The following GALNT10 variants were observed in gnomAD, a reference collection of about 807,000 sequenced individuals.
GALNT10 encodes the protein GalNAc transferase 10.
A neutral mutation model predicts 75.0 loss-of-function variants in GALNT10; 41 were observed. The ratio of observed to expected loss-of-function variants is 0.55; its 90% CI spans 0.43 to 0.71. The LOEUF is 0.71. Ranked by LOEUF, GALNT10 falls within the 30% of genes least tolerant of loss-of-function variation. The probability of loss-of-function intolerance (pLI) is 0.00; values close to 1 mark genes in which losing one functional copy is unlikely to be tolerated. For missense variants in GALNT10, 727 were observed against 818.5 expected (o/e 0.89, Z 1.36); for synonymous variants, 302 against 313.0 (o/e 0.96, Z 0.37).
intron 1 of GALNT10, among the ~76,000 whole-genome samples, chr5:154,271,856 T>C (rs1487920105): frequency 6.6e-6 from 1 of 152,190 alleles, no homozygotes; most frequent in Non-Finnish European, 1.5e-5. Context: ...AGGAAAGGCT[T>C]TCCTCCCTAC....
At chr5:154,226,097 G>A (rs202007375) in intron 1 of GALNT10, among the ~76,000 whole-genome samples, 2 of 151,078 alleles carry the variant, frequency 1.3e-5, no homozygotes, top group African/African-American at 2.4e-5. Context: ...ACAGACCTGC[G>A]TATTGTGCAC....
At chr5:154,346,139 C>CGT (rs36124544) in intron 4 of GALNT10, among the ~76,000 whole-genome samples, 19,483 of 147,334 alleles carry the variant, frequency 0.13, 1,516 homozygotes, top group African/African-American at 0.22. Flanking sequence ...TTCGTGTGTG[C>CGT]GTGTGTGTGT....
chr5:154,387,310 T>G (rs1755821319), intron 7 of GALNT10: 1 of 152,210 alleles, frequency 6.6e-6, no homozygotes, highest in Non-Finnish European at 1.5e-5. Flanking sequence ...AGTGAAAGCT[T>G]GGACCTTCTG....
At chr5:154,311,373 C>A (rs1581968056) in intron 3 of GALNT10, among the ~76,000 whole-genome samples, 1 of 152,160 alleles carries the variant, frequency 6.6e-6, no homozygotes, top group African/African-American at 2.4e-5. Flanking sequence ...CAAACTGTTA[C>A]AACTATTTTG....
chr5:154,254,192 T>C (rs1250253920), intron 1 of GALNT10, among the ~76,000 whole-genome samples: 1 of 152,198 alleles, frequency 6.6e-6, no homozygotes, highest in Non-Finnish European at 1.5e-5. Flanking sequence ...CCCACTTGTA[T>C]AGGGTTCATA....
In GALNT10 at chr5:154,376,564, G is replaced by A; in HGVS notation, c.754+102G>A. The A allele has an allele frequency of 1.3e-6, 1 of 755,660 alleles. No homozygotes were observed. The highest frequency in any genetic ancestry group is 2.1e-6 in the Non-Finnish European group (1 of 473,048). The allele number at this position is 755,660 out of a possible 1,614,324, so 46.8% of individuals were successfully genotyped here. ...GCCATCCATAAGCCTTCCCTTGCCT[G>A]TTCGAGATGCCCCCAGCACAATGCC... is the stretch of plus-strand genomic sequence containing the variant. On this transcript the variant is annotated intron_variant, in intron 5 of 11. Coordinates refer to ENST00000297107, the MANE Select transcript of GALNT10 (RefSeq NM_198321.4). This position sits in a 1 kb window ranked among gnomAD's most constrained non-coding sequence, Gnocchi z 4.1.
At chr5:154,397,394 C>T (rs1756041904) in intron 7 of GALNT10, among the ~76,000 whole-genome samples, 1 of 152,094 alleles carries the variant, frequency 6.6e-6, no homozygotes. Flanking sequence ...GGGCCACGTG[C>T]CCACAGGACA....
At chr5:154,330,908 G>GGGGTGTGTGTGT (rs769311099) in intron 4 of GALNT10, among the ~76,000 whole-genome samples, 88 of 126,036 alleles carry the variant, frequency 7.0e-4, no homozygotes, top group South Asian at 1.9e-3. Flanking sequence ...AGACAGAGAG[G>GGGGTGTGTGTGT]GTGTGTGTGT....
chr5:154,242,671 C>T (rs1318378532), intron 1 of GALNT10, among the ~76,000 whole-genome samples: 1 of 152,222 alleles, frequency 6.6e-6, no homozygotes, highest in Non-Finnish European at 1.5e-5. Context: ...TGCCCAAGCA[C>T]TCAGAGCCCT....
At chr5:154,289,857 T>C (rs1006281649) in intron 1 of GALNT10, among the ~76,000 whole-genome samples, 36 of 152,192 alleles carry the variant, frequency 2.4e-4, no homozygotes, top group African/African-American at 8.7e-4. Context: ...GCCTACACAG[T>C]ATCTGTGCTG....
intron 1 of GALNT10, among the ~76,000 whole-genome samples, chr5:154,231,316 T>C (rs1056006231): frequency 2.6e-5 from 4 of 152,196 alleles, no homozygotes; most frequent in Non-Finnish European, 5.9e-5. Context: ...TTGGTTTGAA[T>C]GTATATACTG....
intron 6 of GALNT10, 47 bp from the exon 7 acceptor site, chr5:154,386,266 T>C (rs369609218): frequency 9.3e-5 from 125 of 1,350,952 alleles, no homozygotes; most frequent in Non-Finnish European, 1.3e-4. Context: ...TGAGAGCATG[T>C]GGCCAGGACA....
chr5:154,201,504 A>G (rs1775028191), intron 1 of GALNT10, among the ~76,000 whole-genome samples: 1 of 152,230 alleles, frequency 6.6e-6, no homozygotes, highest in Admixed American at 6.5e-5. Flanking sequence ...TCTCAGCTCA[A>G]GAAACCATTT....
chr5:154,360,160 A>G (rs1322968728), intron 4 of GALNT10, among the ~76,000 whole-genome samples: 2 of 152,156 alleles, frequency 1.3e-5, no homozygotes, highest in African/African-American at 2.4e-5. Flanking sequence ...ATTAAAAACT[A>G]TGCACTGGGC....
intron 1 of GALNT10, among the ~76,000 whole-genome samples, chr5:154,228,614 A>G (rs1753097855): frequency 6.6e-6 from 1 of 152,228 alleles, no homozygotes; most frequent in Non-Finnish European, 1.5e-5. Context: ...CTCAAGAGAG[A>G]TTCCTTCCCA....
intron 1 of GALNT10, among the ~76,000 whole-genome samples, chr5:154,242,819 T>A (rs1469285245): frequency 6.6e-6 from 1 of 152,214 alleles, no homozygotes; most frequent in Non-Finnish European, 1.5e-5. Flanking sequence ...TCCTTTTCAT[T>A]GGTCTCCTTG....
At chr5:154,275,699 C>G (rs1229363032) in intron 1 of GALNT10, among the ~76,000 whole-genome samples, 3 of 152,186 alleles carry the variant, frequency 2.0e-5, no homozygotes, top group African/African-American at 7.2e-5. Context: ...GCTGTCAGTT[C>G]CTTTCCATGT....
chr5:154,382,638 A>C (rs1326870206), intron 6 of GALNT10, among the ~76,000 whole-genome samples: 1 of 152,204 alleles, frequency 6.6e-6, no homozygotes, highest in Non-Finnish European at 1.5e-5. Context: ...GAGAGGAAAC[A>C]AGACTTGTCC....
chr5:154,312,972 G>T (rs1223439788), intron 3 of GALNT10, among the ~76,000 whole-genome samples: 1 of 152,156 alleles, frequency 6.6e-6, no homozygotes, highest in Non-Finnish European at 1.5e-5. Flanking sequence ...ATTTTATCAT[G>T]TGGGACAGCA....
Sources: gnomAD v4.1 joint callset for allele counts (sites outside exome capture counted in the v4.1 genomes callset) on GRCh38, gnomAD v4.1.1 for gene constraint, Gnocchi (gnomAD v3.1) non-coding constraint, MANE v1.5 for transcripts, NCBI Gene and HGNC (gene_info 2026-07-23, HGNC 2026-07-21) for gene names.